Variants in PATJ observed in about 807,000 individuals in gnomAD.
PATJ encodes the protein inaD-like protein.
A neutral mutation model predicts 224.9 loss-of-function variants in PATJ; 190 were observed. That is an observed-to-expected ratio of 0.84 (90% CI 0.75 to 0.95). The LOEUF is 0.95. Among genes scored for constraint, PATJ ranks in the 40% least tolerant of loss-of-function variants. The pLI is 0.00. For missense variants in PATJ, 2,121 were observed against 2,270.3 expected, an observed-to-expected ratio of 0.93 and a Z score of 1.34; for synonymous variants, 769 against 820.3, an observed-to-expected ratio of 0.94 and a Z score of 1.07.
intron 7 of PATJ, among the ~76,000 whole-genome samples, chr1:61,781,726 C>A (rs1377442041): frequency 6.6e-6 from 1 of 152,192 alleles, no homozygotes; most frequent in Non-Finnish European, 1.5e-5. Flanking sequence ...GTCCCCAAGA[C>A]CACTAGATTT....
In PATJ at chr1:62,056,987, C is replaced by T. The variant is rs539139363; in HGVS notation, c.4125+5929C>T. On this transcript the variant is annotated intron_variant, in intron 31 of 43. Coordinates refer to ENST00000642238, the MANE Select transcript of PATJ (RefSeq NM_001350145.3). ...GAATACAGGCATGCGCCACCAGGCC[C>T]GGCTAATTTTTGTACTTTTAGTTGA... 1.2e-4 allele frequency among the ~76,000 whole-genome samples: 18 copies of T among 152,146 alleles called. No individual in the cohort carries two copies. In the South Asian group the frequency reaches 1.2e-3, roughly 11 times the overall value.
intron 10 of PATJ, among the ~76,000 whole-genome samples, chr1:61,796,051 A>G (rs1651026684): frequency 6.6e-6 from 1 of 152,234 alleles, no homozygotes; most frequent in African/African-American, 2.4e-5. Flanking sequence ...AGTAGAAATT[A>G]GTTCAATTTA....
chr1:61,858,463 T>G (rs954929843), intron 18 of PATJ, among the ~76,000 whole-genome samples: 21 of 152,292 alleles, frequency 1.4e-4, no homozygotes, highest in African/African-American at 4.3e-4. Flanking sequence ...GGTTTCACCA[T>G]GTTGGCCAGG....
At chr1:62,059,211 G>A (rs540102218) in intron 31 of PATJ, among the ~76,000 whole-genome samples, 16 of 152,230 alleles carry the variant, frequency 1.1e-4, no homozygotes, top group African/African-American at 3.4e-4. Context: ...CTGGCAGAGG[G>A]CCTTGTGGAC....
intron 41 of PATJ, among the ~76,000 whole-genome samples, chr1:62,134,330 C>CTTTTTTTTTTTTTTTT (rs779235130): frequency 2.1e-5 from 2 of 96,518 alleles, no homozygotes; most frequent in Non-Finnish European, 3.8e-5. Flanking sequence ...CCAGCCCTCT[C>CTTTTTTTTTTTTTTTT]TTTTTTTTTT....
chr1:61,881,761 A>G (rs746109325), intron 21 of PATJ, among the ~76,000 whole-genome samples: 1 of 152,148 alleles, frequency 6.6e-6, no homozygotes, highest in Non-Finnish European at 1.5e-5. Context: ...CAATTATTTT[A>G]GGCCTCCCAT....
chr1:61,758,172 G>T (rs1645755821), intron 1 of PATJ, among the ~76,000 whole-genome samples: 1 of 152,152 alleles, frequency 6.6e-6, no homozygotes. Context: ...ACAGGCAGAA[G>T]CCGCAGACAC....
chr1:61,915,617 T>C (rs750017830), intron 26 of PATJ, among the ~76,000 whole-genome samples: 39 of 152,008 alleles, frequency 2.6e-4, no homozygotes, highest in Non-Finnish European at 4.3e-4. Flanking sequence ...GTTGAGACTT[T>C]TAAGCCATTA....
intron 31 of PATJ, among the ~76,000 whole-genome samples, chr1:62,070,716 G>C (rs60859250): frequency 0.022 from 3,350 of 152,128 alleles, 139 homozygotes; most frequent in African/African-American, 0.077. Flanking sequence ...GCAGTCCTAG[G>C]ATCTTTCTCA....
Position 62,013,191 on chromosome 1 carries a change from TTC to T in PATJ, c.3868-4658_3868-4657del, listed in dbSNP as rs1646554442. On this transcript the variant is annotated intron_variant, in intron 28 of 43. Coordinates refer to ENST00000642238, the MANE Select transcript of PATJ (RefSeq NM_001350145.3). ...GCTTTCTTCATTTGGGATCTCATTT[TTC>T]TCTCTCAGAATAATAGTACCATAGA... Among the ~76,000 whole-genome samples the T allele has an allele frequency of 1.3e-5, 2 of 152,242 alleles. 1 individual carries two copies. The highest frequency in any genetic ancestry group is 4.1e-4 in the South Asian group (2 of 4,832).
chr1:61,949,006 T>A (rs1249690302), intron 27 of PATJ, among the ~76,000 whole-genome samples: 3 of 148,610 alleles, frequency 2.0e-5, no homozygotes, highest in Non-Finnish European at 4.4e-5. Context: ...TAGGTGGGAA[T>A]TGAACAGTGA....
At chr1:61,853,918 A>C (rs1358742809) in intron 17 of PATJ, among the ~76,000 whole-genome samples, 1 of 152,184 alleles carries the variant, frequency 6.6e-6, no homozygotes, top group Admixed American at 6.5e-5. Context: ...AATTTTGAAG[A>C]GTCTCTTGAC....
At chr1:61,748,125 C>T (rs7531930) in intron 1 of PATJ, among the ~76,000 whole-genome samples, 5,417 of 151,816 alleles carry the variant, frequency 0.036, 308 homozygotes, top group African/African-American at 0.12. Flanking sequence ...GTGATCCACC[C>T]GCCTCGGCCT....
In PATJ at chr1:61,766,269, T is replaced by C. The variant is rs1646267770; in HGVS notation, c.190-10T>C. ...GATTTCTGTTGATTCTTTTTTTTTC[T>C]CTCCAACAGCTCAACCATATACCCT... On this transcript the variant is annotated splice_polypyrimidine_tract_variant and intron_variant, in intron 3 of 43. Coordinates refer to ENST00000642238, the MANE Select transcript of PATJ (RefSeq NM_001350145.3). The C allele has an allele frequency of 6.4e-7, 1 of 1,554,728 alleles. No individual in the cohort carries two copies. Among genetic ancestry groups the C allele is most frequent in the Non-Finnish European group, 8.7e-7 (1 of 1,155,558 alleles).
intron 17 of PATJ, among the ~76,000 whole-genome samples, chr1:61,840,937 T>G (rs1660985242): frequency 6.6e-6 from 1 of 152,144 alleles, no homozygotes. Flanking sequence ...TTCCGATAAT[T>G]CTCATGGAAG....
chr1:61,775,409 CAT>C (rs1168243556), intron 7 of PATJ, 75 bp downstream of exon 7: 8 of 1,278,864 alleles, frequency 6.3e-6, no homozygotes, highest in Non-Finnish European at 8.8e-6. Flanking sequence ...AATTTTATAA[CAT>C]GAGTTACCAG....
chr1:62,065,877 T>C (rs1264204717), intron 31 of PATJ, among the ~76,000 whole-genome samples: 1 of 152,234 alleles, frequency 6.6e-6, no homozygotes, highest in African/African-American at 2.4e-5. Context: ...AGAATCCCAC[T>C]GCTCCTCAGA....
chr1:62,138,125 GT>G (rs1667144505), intron 41 of PATJ, among the ~76,000 whole-genome samples: 1 of 152,252 alleles, frequency 6.6e-6, no homozygotes, highest in South Asian at 2.1e-4. Flanking sequence ...GGGAAACCAA[GT>G]AGTTCATTAA....
At chr1:62,015,075 G>A (rs559559420) in intron 28 of PATJ, among the ~76,000 whole-genome samples, 36 of 152,132 alleles carry the variant, frequency 2.4e-4, no homozygotes, top group Admixed American at 5.2e-4. Context: ...CGAGGAGGGC[G>A]GACCACCTGA....
Sources: gnomAD v4.1 joint callset for allele counts (sites outside exome capture counted in the v4.1 genomes callset) on GRCh38, gnomAD v4.1.1 for gene constraint, MANE v1.5 for transcripts, NCBI Gene and HGNC (gene_info 2026-07-23, HGNC 2026-07-21) for gene names.